The following WASF2 variants were observed in gnomAD, a reference collection of about 807,000 sequenced individuals.
The protein encoded by WASF2 is WASP family member 2.
A neutral mutation model predicts 45.0 loss-of-function variants in WASF2; 14 were observed. The observed-to-expected ratio is 0.31, with a 90% CI of 0.21 to 0.49. The LOEUF is 0.49. Ranked by LOEUF, WASF2 falls within the 20% of genes least tolerant of loss-of-function variation. The pLI, the probability that WASF2 is intolerant of heterozygous loss-of-function variation, is 0.99. For synonymous variants in WASF2, 200 were observed against 236.3 expected, an observed-to-expected ratio of 0.85 and a Z score of 1.41; for missense variants, 439 against 636.1, an observed-to-expected ratio of 0.69 and a Z score of 3.33.
chr1:27,425,397 C>T (rs892380023), intron 2 of WASF2, among the ~76,000 whole-genome samples: 5 of 151,380 alleles, frequency 3.3e-5, no homozygotes, highest in Non-Finnish European at 7.4e-5. Context: ...CCCCTTTTTC[C>T]ATTTTAAAAG....
At chr1:27,464,684 A>G (rs990887157) in intron 1 of WASF2, among the ~76,000 whole-genome samples, 2 of 152,068 alleles carry the variant, frequency 1.3e-5, no homozygotes, top group Non-Finnish European at 2.9e-5. Context: ...AAAATGAACA[A>G]TCTTTACCAC....
chr1:27,473,825 T>A (rs2017727739), intron 1 of WASF2, among the ~76,000 whole-genome samples: 1 of 152,174 alleles, frequency 6.6e-6, no homozygotes, highest in Non-Finnish European at 1.5e-5. Flanking sequence ...TTATTCCAGT[T>A]CAGGGTCATG....
At chr1:27,487,651 TTATATAA>T (rs1239837594) in intron 1 of WASF2, among the ~76,000 whole-genome samples, 7 of 96,766 alleles carry the variant, frequency 7.2e-5, no homozygotes, top group Non-Finnish European at 9.4e-5. Context: ...ATATTATATA[TTATATAA>T]TATATATTAT....
chr1:27,487,729 T>C (rs1321526494), intron 1 of WASF2, among the ~76,000 whole-genome samples: 2 of 124,392 alleles, frequency 1.6e-5, no homozygotes, highest in African/African-American at 6.1e-5. Flanking sequence ...ATCATTATAT[T>C]ATATAATGTA....
At chr1:27,471,753 ATGT>A (rs1387684557) in intron 1 of WASF2, among the ~76,000 whole-genome samples, 2 of 152,202 alleles carry the variant, frequency 1.3e-5, no homozygotes, top group African/African-American at 2.4e-5. Context: ...AACCAGAACA[ATGT>A]TGTGTCATAA....
intron 1 of WASF2, among the ~76,000 whole-genome samples, chr1:27,430,917 A>T (rs1412776736): frequency 2.0e-5 from 3 of 152,192 alleles, no homozygotes; most frequent in African/African-American, 7.2e-5. Context: ...ACCAAACTAA[A>T]TATTACAGAC....
At chr1:27,429,729 T>C (rs1189109678) in intron 1 of WASF2, among the ~76,000 whole-genome samples, 1 of 151,282 alleles carries the variant, frequency 6.6e-6, no homozygotes, top group African/African-American at 2.4e-5. Context: ...TGAGCTGAGA[T>C]TGCGCCATTG....
chr1:27,486,379 T>A (rs909057550), intron 1 of WASF2, among the ~76,000 whole-genome samples: 1 of 152,162 alleles, frequency 6.6e-6, no homozygotes, highest in Non-Finnish European at 1.5e-5. Context: ...TGTGGACCGG[T>A]ATACTAATTA....
At chr1:27,415,044 C>A in intron 5 of WASF2, 81 bp from the exon 6 acceptor site, 1 of 1,516,274 alleles carries the variant, frequency 6.6e-7, no homozygotes, top group South Asian at 1.2e-5. Flanking sequence ...TTCATGGATG[C>A]GTATCTAAGA....
chr1:27,462,138 C>T (rs528138458), intron 1 of WASF2, among the ~76,000 whole-genome samples: 4 of 151,880 alleles, frequency 2.6e-5, no homozygotes, highest in South Asian at 2.1e-4. Flanking sequence ...CCACCGTTCC[C>T]GGCGAATTTT....
chr1:27,467,459 C>T (rs1197338976), intron 1 of WASF2, among the ~76,000 whole-genome samples: 1 of 149,798 alleles, frequency 6.7e-6, no homozygotes, highest in Non-Finnish European at 1.5e-5. Context: ...TGCCACCACG[C>T]CCGGCTAACT....
intron 2 of WASF2, among the ~76,000 whole-genome samples, chr1:27,420,197 A>G (rs529854645): frequency 2.6e-5 from 4 of 152,144 alleles, no homozygotes; most frequent in Non-Finnish European, 5.9e-5. Context: ...TCTAGCCACC[A>G]TGCCCGGCTT....
intron 1 of WASF2, among the ~76,000 whole-genome samples, chr1:27,479,449 A>G (rs2017816023): frequency 6.6e-6 from 1 of 152,216 alleles, no homozygotes; most frequent in African/African-American, 2.4e-5. Context: ...ATTCCAAATA[A>G]TTTTAAAATA....
chr1:27,462,882 C>T (rs545058567), intron 1 of WASF2, among the ~76,000 whole-genome samples: 3 of 151,922 alleles, frequency 2.0e-5, no homozygotes, highest in Admixed American at 6.6e-5. Context: ...CGCAATGGTG[C>T]GATCTAGACT....
At chr1:27,443,637 T>G (rs911210614) in intron 1 of WASF2, among the ~76,000 whole-genome samples, 1 of 151,906 alleles carries the variant, frequency 6.6e-6, no homozygotes, top group African/African-American at 2.4e-5. Flanking sequence ...AAATTTAATA[T>G]AGCTTGGTAA....
At chr1:27,477,890 C>A (rs2017787801) in intron 1 of WASF2, among the ~76,000 whole-genome samples, 1 of 88,976 alleles carries the variant, frequency 1.1e-5, no homozygotes, top group African/African-American at 7.3e-5. Flanking sequence ...CAGAGCGAGA[C>A]TCCGTCTCAA....
intron 1 of WASF2, among the ~76,000 whole-genome samples, chr1:27,459,906 G>C (rs1349619243): frequency 5.3e-5 from 8 of 152,174 alleles, no homozygotes; most frequent in Non-Finnish European, 1.0e-4. Context: ...TTAGCGATTT[G>C]ACTACAAATA....
intron 1 of WASF2, among the ~76,000 whole-genome samples, chr1:27,435,191 C>T (rs1247164035): frequency 6.6e-6 from 1 of 152,156 alleles, no homozygotes; most frequent in Non-Finnish European, 1.5e-5. Context: ...AGTGATCCGC[C>T]CACCTTGGCC....
chr1:27,484,582 T>G (rs2017897172), intron 1 of WASF2, among the ~76,000 whole-genome samples: 1 of 151,710 alleles, frequency 6.6e-6, no homozygotes, highest in African/African-American at 2.4e-5. Context: ...CCGAGGTGGG[T>G]GGATCATGAG....
Sources: gnomAD v4.1 joint callset for allele counts (sites outside exome capture counted in the v4.1 genomes callset) on GRCh38, gnomAD v4.1.1 for gene constraint, MANE v1.5 for transcripts, NCBI Gene and HGNC (gene_info 2026-07-23, HGNC 2026-07-21) for gene names.